The following RIMS3 variants were observed in gnomAD, a reference collection of about 807,000 sequenced individuals.
The protein encoded by RIMS3 is regulating synaptic membrane exocytosis 3.
A neutral mutation model predicts 29.2 loss-of-function variants in RIMS3; 15 were observed. That is an observed-to-expected ratio of 0.51 (90% confidence interval 0.34 to 0.79). The LOEUF (loss-of-function observed/expected upper bound fraction) is 0.79, where lower values mean the gene tolerates loss of function less well. Ranked by LOEUF, RIMS3 falls within the 30% of genes least tolerant of loss-of-function variation. The pLI, the probability that RIMS3 is intolerant of heterozygous loss-of-function variation, is 0.01. For missense variants in RIMS3, 342 were observed against 421.4 expected (o/e 0.81, Z 1.65); for synonymous variants, 161 against 170.1 (o/e 0.95, Z 0.41).
At position 40,637,319 on chromosome 1, in the gene RIMS3, G is replaced by C. The variant is rs535269724; in HGVS notation, c.218-1262C>G. Reference sequence around the variant, plus strand: ...CTTTCAGAAAGTCCCCACTGGAGGAGGGCAGGCAGAGAGGTCTAGGATCAC... The same window carrying C: ...CTTTCAGAAAGTCCCCACTGGAGGACGGCAGGCAGAGAGGTCTAGGATCAC... On this transcript the variant is annotated intron_variant, in intron 3 of 7. Transcript: ENST00000372684. 2.0e-5 allele frequency among the ~76,000 whole-genome samples: 3 copies of C among 152,340 alleles called. No homozygotes were observed. In the East Asian group the frequency reaches 5.8e-4, roughly 29 times the overall value.
chr1:40,654,624 C>A lies in RIMS3; in HGVS notation c.-206-6782G>T, dbSNP rs1557682636. ...TGGAGATGCAGCTACCACAGACTCACACACATCACACAGACCCACAACACA... is the reference window on the plus strand; with the variant it reads ...TGGAGATGCAGCTACCACAGACTCAAACACATCACACAGACCCACAACACA... On this transcript the variant is annotated intron_variant, in intron 1 of 7. Coordinates refer to ENST00000372684, the MANE Select transcript of RIMS3 (RefSeq NM_014747.3). The surrounding 1 kb of genome is among the most constrained non-coding windows in gnomAD (Gnocchi z 5.3). 6.6e-6 allele frequency among the ~76,000 whole-genome samples: 1 copy of A among 151,970 alleles called. No individual in the cohort carries two copies. The highest frequency in any genetic ancestry group is 6.6e-5 in the Admixed American group (1 of 15,240).
At chr1:40,677,866 G>A in the RIMS3 span, among the ~76,000 whole-genome samples, 1 of 152,142 alleles carries the variant, frequency 6.6e-6, no homozygotes, top group African/African-American at 2.4e-5. Context: ...GGTGCCTGCA[G>A]GGATCATTCA....
the RIMS3 span, among the ~76,000 whole-genome samples, chr1:40,685,621 G>A: frequency 1.3e-4 from 20 of 151,982 alleles, no homozygotes; most frequent in African/African-American, 3.9e-4. Flanking sequence ...TAAAATCCCC[G>A]TTGGGCTCAG....
chr1:40,643,480 T>TTC (rs1417110676), intron 2 of RIMS3, among the ~76,000 whole-genome samples: 1 of 147,202 alleles, frequency 6.8e-6, no homozygotes, highest in East Asian at 2.0e-4. Flanking sequence ...CTTTCTCTCT[T>TTC]TTTTTTTTTT....
intron 3 of RIMS3, among the ~76,000 whole-genome samples, chr1:40,640,340 C>G (rs1031963193): frequency 6.6e-6 from 1 of 152,162 alleles, no homozygotes; most frequent in African/African-American, 2.4e-5. Flanking sequence ...TAACCTCAAG[C>G]CCCTTCCCCA....
the RIMS3 span, among the ~76,000 whole-genome samples, chr1:40,679,205 C>A: frequency 6.6e-6 from 1 of 152,190 alleles, no homozygotes; most frequent in Non-Finnish European, 1.5e-5. Flanking sequence ...GCTGGAAAGG[C>A]TGAAGGTCTC....
intron 2 of RIMS3, 137 bp downstream of exon 2, chr1:40,647,531 G>A (rs1646603450): frequency 6.6e-6 from 1 of 152,204 alleles, no homozygotes; most frequent in Admixed American, 6.5e-5. Flanking sequence ...CCAGAATGGG[G>A]GAAAGACGCA....
rs367654902 is a variant in RIMS3 at position 40,633,135 on chromosome 1, C to T, written c.406G>A (p.Asp136Asn). 2.4e-5 allele frequency: 38 copies of T among 1,614,040 alleles called. No homozygotes were observed. Among genetic ancestry groups the T allele is most frequent in the East Asian group, 4.5e-5 (2 of 44,896 alleles). ...TRLGAESQFS[D>N]FLDGLGPAQI... ...GCTGGTCCCAGCCCATCCAGGAAAT[C>T]GCTGAACTGGCTTTCAGCCCCTAGC... Residue 136 changes from aspartate to asparagine, a missense_variant, in exon 5 of 8, where the codon GAT becomes AAT. Physicochemically the swap from Asp to Asn is conservative, Grantham distance 23. Transcript: ENST00000372684.
At chr1:40,626,939 A>G (rs958803292) in intron 7 of RIMS3, among the ~76,000 whole-genome samples, 5 of 152,248 alleles carry the variant, frequency 3.3e-5, no homozygotes, top group Non-Finnish European at 7.3e-5. Flanking sequence ...TTCAATTGTT[A>G]TAACAAGCCA....
upstream of RIMS3, among the ~76,000 whole-genome samples, chr1:40,668,866 G>C (rs1293166586): frequency 6.6e-6 from 1 of 152,204 alleles, no homozygotes; most frequent in East Asian, 1.9e-4. Context: ...GCCGAGACGG[G>C]GACGAGCAGG....
At chr1:40,676,226 C>A in the RIMS3 span, among the ~76,000 whole-genome samples, 36 of 152,200 alleles carry the variant, frequency 2.4e-4, no homozygotes, top group Non-Finnish European at 4.0e-4. Flanking sequence ...GTTATCTTGG[C>A]AAGTCCCTGC....
At chr1:40,650,321 G>A (rs1489131542) in intron 1 of RIMS3, among the ~76,000 whole-genome samples, 2 of 152,214 alleles carry the variant, frequency 1.3e-5, no homozygotes, top group Non-Finnish European at 2.9e-5. Context: ...CAGAAGCAGG[G>A]ACTTGAAGGA....
chr1:40,686,574 G>A, the RIMS3 span, among the ~76,000 whole-genome samples: 2 of 151,814 alleles, frequency 1.3e-5, no homozygotes, highest in Non-Finnish European at 2.9e-5. Flanking sequence ...GGAGAATGGC[G>A]TGAACCCGGG....
At chr1:40,663,246 G>A (rs1557689068) in intron 1 of RIMS3, among the ~76,000 whole-genome samples, 1 of 152,172 alleles carries the variant, frequency 6.6e-6, no homozygotes, top group Non-Finnish European at 1.5e-5. Flanking sequence ...AGGAGAGACA[G>A]TGCCACAGTC....
At chr1:40,687,324 AG>A in the RIMS3 span, among the ~76,000 whole-genome samples, 10 of 8,348 alleles carry the variant, frequency 1.2e-3, no homozygotes, top group Non-Finnish European at 2.1e-3. Context: ...AATTTAGGCC[AG>A]GGGCGGTGGC....
chr1:40,635,950 CG>C lies in RIMS3; in HGVS notation c.324del (p.Asp109MetfsTer20). 6.2e-7 allele frequency: 1 copy of C among 1,612,694 alleles called. No homozygotes were observed. Among genetic ancestry groups the C allele is most frequent in the South Asian group, 1.1e-5 (1 of 91,076 alleles). ...GAGCTGTTGCTGTTGGTGCTCCCAT[CG>C]GTGGACTCCCGGCTGCCCTGGCGTG... ...RVTRQGSRES[T>X]DGSTNSNSSD... On this transcript the variant is annotated frameshift_variant, in exon 4 of 8. Coordinates refer to ENST00000372684, the MANE Select transcript of RIMS3 (RefSeq NM_014747.3). LOFTEE classifies it high-confidence loss of function. The surrounding 1 kb of genome is among the most constrained non-coding windows in gnomAD (Gnocchi z 4.1).
chr1:40,651,631 C>T (rs1646632432), intron 1 of RIMS3, among the ~76,000 whole-genome samples: 1 of 152,202 alleles, frequency 6.6e-6, no homozygotes, highest in African/African-American at 2.4e-5. Context: ...AAATAGGAAC[C>T]TTGTCGTCGT....
intron 5 of RIMS3, among the ~76,000 whole-genome samples, chr1:40,630,213 C>T (rs190209633): frequency 1.8e-4 from 27 of 152,264 alleles, no homozygotes; most frequent in Admixed American, 4.6e-4. Context: ...GGAGGGAAGG[C>T]CAGCAGACTT....
intron 7 of RIMS3, among the ~76,000 whole-genome samples, chr1:40,627,676 A>G (rs956127089): frequency 9.2e-5 from 14 of 151,858 alleles, no homozygotes; most frequent in Non-Finnish European, 2.1e-4. Context: ...ATCATAGCTC[A>G]CTGCAGCCTT....
Sources: allele counts gnomAD v4.1 joint callset (sites outside exome capture counted in the v4.1 genomes callset), GRCh38; gene constraint gnomAD v4.1.1; non-coding constraint Gnocchi (gnomAD v3.1); transcripts MANE v1.5; gene names NCBI Gene and HGNC (gene_info 2026-07-23, HGNC 2026-07-21).